Variants in SLC2A12 observed in about 807,000 individuals in gnomAD.
SLC2A12 encodes the protein solute carrier family 2, facilitated glucose transporter member 12.
In SLC2A12, 23 loss-of-function variants were observed where a neutral mutation model predicts 41.8. That is an observed-to-expected ratio of 0.55 (90% confidence interval 0.40 to 0.78). The LOEUF (loss-of-function observed/expected upper bound fraction) is 0.78. Ranked by LOEUF, SLC2A12 falls within the 30% of genes least tolerant of loss-of-function variation. SLC2A12 has a pLI of 0.00. For synonymous variants in SLC2A12, 295 were observed against 285.9 expected (o/e 1.03, Z -0.32); for missense variants, 654 against 745.6 (o/e 0.88, Z 1.43).
chr6:133,987,642 G>GTATATATATA lies in SLC2A12; in HGVS notation c.*3512_*3513insTATATATATA, dbSNP rs1486152408. Reference sequence around the variant, plus strand: ...GTGTATTTTGTGTGTGTGTGTGTGTGTGTGTGTATATATATATATATATAT... The same window carrying GTATATATATA: ...GTGTATTTTGTGTGTGTGTGTGTGTGTATATATATATGTGTGTATATATATATATATATAT... On this transcript the variant is annotated 3_prime_UTR_variant, in exon 5 of 5. Coordinates refer to ENST00000275230, the MANE Select transcript of SLC2A12 (RefSeq NM_145176.3). 3.1e-5 allele frequency: 4 copies of GTATATATATA among 130,442 alleles called. No homozygotes were observed. The highest frequency in any genetic ancestry group is 1.2e-4 in the African/African-American group (4 of 32,276). The allele number at this position is 130,442 out of a possible 1,614,324, so 8.1% of individuals were successfully genotyped here.
Position 133,991,151 on chromosome 6 carries a change from GC to G in SLC2A12, c.*3del. ...CTATCCACGTTCAGAAGGTGTTGAG[GC>G]CATTAGGTCTCTGGAGAAAGCTGCC... On this transcript the variant is annotated 3_prime_UTR_variant, in exon 5 of 5. Transcript: ENST00000275230. 1 of 1,610,620 alleles carries G rather than the reference GC, an allele frequency of 6.2e-7. No homozygotes were observed. The highest frequency in any genetic ancestry group is 2.2e-5 in the East Asian group (1 of 44,854).
At chr6:134,027,581 T>G (rs1777132092) in intron 2 of SLC2A12, among the ~76,000 whole-genome samples, 1 of 152,124 alleles carries the variant, frequency 6.6e-6, no homozygotes, top group African/African-American at 2.4e-5. Flanking sequence ...TCCTCCTTTT[T>G]TTTCTAGTGA....
At chr6:134,006,201 A>AAAAAAAAAAAAAG in intron 3 of SLC2A12, among the ~76,000 whole-genome samples, 2 of 151,412 alleles carry the variant, frequency 1.3e-5, no homozygotes, top group Non-Finnish European at 2.9e-5. Flanking sequence ...AACAAAAAAA[A>AAAAAAAAAAAAAG]AAACAGAGAA....
intron 2 of SLC2A12, among the ~76,000 whole-genome samples, chr6:134,010,437 T>C (rs1201745469): frequency 6.6e-6 from 1 of 152,152 alleles, no homozygotes; most frequent in Non-Finnish European, 1.5e-5. Context: ...TCTTCTACAG[T>C]GAGCGCAGCC....
intron 2 of SLC2A12, among the ~76,000 whole-genome samples, chr6:134,027,134 A>G (rs983873484): frequency 5.9e-5 from 9 of 152,202 alleles, no homozygotes; most frequent in African/African-American, 1.9e-4. Flanking sequence ...AGATAGGGAC[A>G]GTGTCTGTCT....
At chr6:133,997,778 A>G (rs1404359950) in intron 4 of SLC2A12, among the ~76,000 whole-genome samples, 1 of 152,198 alleles carries the variant, frequency 6.6e-6, no homozygotes, top group Non-Finnish European at 1.5e-5. Context: ...ACAAACCTGC[A>G]CATGTAGCCT....
intron 1 of SLC2A12, among the ~76,000 whole-genome samples, chr6:134,030,902 T>C (rs2114482584): frequency 1.3e-5 from 2 of 152,326 alleles, no homozygotes; most frequent in Middle Eastern, 6.8e-3. Context: ...GCTATAGGTT[T>C]CTTATTTATA....
In SLC2A12 at chr6:134,029,681, A is replaced by G; in HGVS notation, c.144T>C (p.Ala48=). 1 of 1,609,234 alleles carries G rather than the reference A, an allele frequency of 6.2e-7. No homozygotes were observed. The highest frequency in any genetic ancestry group is 8.5e-7 in the Non-Finnish European group (1 of 1,179,232). Residue 48 remains alanine, a synonymous_variant, in exon 2 of 5, where the codon GCT becomes GCC. Coordinates refer to ENST00000275230, the MANE Select transcript of SLC2A12 (RefSeq NM_145176.3). ...CATAACCCACCAGGAGGCCACTGAC[A>G]GCAGCAGTGACAGATGACAGGAAGG... ...MFTFLSSVTA[A]VSGLLVGYEL...
Position 134,052,595 on chromosome 6 carries a change from C to A in SLC2A12, c.-115G>T. The A allele has an allele frequency of 1.3e-6, 1 of 774,314 alleles. No individual in the cohort carries two copies. Among genetic ancestry groups the A allele is most frequent in the Non-Finnish European group, 2.1e-6 (1 of 473,714 alleles). The allele number at this position is 774,314 out of a possible 1,614,324, so 48.0% of individuals were successfully genotyped here. ...TGCTAAAGAAGAGTGTGGGGAAAAA[C>A]TTCGGGCAAAGCTAATGTGATTTGT... On this transcript the variant is annotated 5_prime_UTR_variant, in exon 1 of 5. Coordinates refer to ENST00000275230, the MANE Select transcript of SLC2A12 (RefSeq NM_145176.3).
At chr6:134,032,598 T>C (rs1777234952) in intron 1 of SLC2A12, among the ~76,000 whole-genome samples, 3 of 146,712 alleles carry the variant, frequency 2.0e-5, no homozygotes, top group South Asian at 4.2e-4. Flanking sequence ...TTCCCTATTA[T>C]ATGCTTTAAG....
intron 4 of SLC2A12, among the ~76,000 whole-genome samples, chr6:133,995,153 C>A (rs1311144947): frequency 6.6e-6 from 1 of 152,102 alleles, no homozygotes; most frequent in Non-Finnish European, 1.5e-5. Flanking sequence ...ATACATAGTA[C>A]CCAAGAAATA....
At chr6:134,017,581 G>A (rs372510489) in intron 2 of SLC2A12, among the ~76,000 whole-genome samples, 18 of 152,066 alleles carry the variant, frequency 1.2e-4, no homozygotes, top group East Asian at 3.9e-4. Flanking sequence ...GGCCGGGCAC[G>A]GTGACTCACG....
chr6:134,028,302 C>T, intron 2 of SLC2A12, 79 bp downstream of exon 2: 1 of 1,492,660 alleles, frequency 6.7e-7, no homozygotes, highest in South Asian at 1.4e-5. Context: ...TTCCTTCTAG[C>T]ACTTATGTTC....
At chr6:134,039,087 A>G (rs1156498458) in intron 1 of SLC2A12, among the ~76,000 whole-genome samples, 1 of 152,134 alleles carries the variant, frequency 6.6e-6, no homozygotes, top group African/African-American at 2.4e-5. Flanking sequence ...CTACTTGTTG[A>G]GTTCTTTTTC....
intron 1 of SLC2A12, among the ~76,000 whole-genome samples, chr6:134,048,585 C>T (rs551733718): frequency 2.0e-5 from 3 of 152,206 alleles, no homozygotes; most frequent in African/African-American, 7.2e-5. Flanking sequence ...AACAAAACAA[C>T]AACAACAAAA....
intron 4 of SLC2A12, among the ~76,000 whole-genome samples, chr6:133,996,346 A>G (rs546742928): frequency 6.6e-6 from 1 of 152,394 alleles, no homozygotes; most frequent in South Asian, 2.1e-4. Context: ...TATGGCAAAC[A>G]TCACATCCCA....
At chr6:134,046,205 A>G (rs1777452908) in intron 1 of SLC2A12, among the ~76,000 whole-genome samples, 1 of 152,214 alleles carries the variant, frequency 6.6e-6, no homozygotes, top group South Asian at 2.1e-4. Context: ...GACATTTTGT[A>G]TAAAATAATA....
intron 1 of SLC2A12, among the ~76,000 whole-genome samples, chr6:134,039,420 T>C (rs1777350338): frequency 1.3e-5 from 2 of 152,226 alleles, no homozygotes; most frequent in South Asian, 4.1e-4. Flanking sequence ...TAAAAAACTA[T>C]ATTGAGAACA....
intron 1 of SLC2A12, among the ~76,000 whole-genome samples, chr6:134,032,592 C>T (rs1327699984): frequency 6.9e-6 from 1 of 145,798 alleles, no homozygotes; most frequent in Non-Finnish European, 1.5e-5. Context: ...AATATCTTCC[C>T]TATTATATGC....
Sources: gnomAD v4.1 joint callset for allele counts (sites outside exome capture counted in the v4.1 genomes callset) on GRCh38, gnomAD v4.1.1 for gene constraint, MANE v1.5 for transcripts, NCBI Gene and HGNC (gene_info 2026-07-23, HGNC 2026-07-21) for gene names.